SHANK2: variants seen among roughly 807,000 people sequenced by gnomAD.
The protein encoded by SHANK2 is SH3 and multiple ankyrin repeat domains protein 2.
In SHANK2, 43 loss-of-function variants were observed where a neutral mutation model predicts 133.7. The observed-to-expected ratio is 0.32, with a 90% CI of 0.25 to 0.41. The LOEUF (loss-of-function observed/expected upper bound fraction) is 0.41. Ranked by LOEUF, SHANK2 falls within the 10% of genes least tolerant of loss-of-function variation. The pLI, the probability that SHANK2 is intolerant of heterozygous loss-of-function variation, is 1.00. For missense variants in SHANK2, 1,994 were observed against 2,235.8 expected, an observed-to-expected ratio of 0.89 and a Z score of 2.18; for synonymous variants, 1,017 against 952.8, an observed-to-expected ratio of 1.07 and a Z score of -1.24.
At chr11:70,615,794 G>A (rs1367645384) in intron 17 of SHANK2, among the ~76,000 whole-genome samples, 1 of 152,188 alleles carries the variant, frequency 6.6e-6, no homozygotes, top group Non-Finnish European at 1.5e-5. Context: ...GTGGTAGAAG[G>A]AAGCCCACCC....
At chr11:70,695,627 ACAGATCAGGCCGCATAC>A (rs553495351) in intron 15 of SHANK2, among the ~76,000 whole-genome samples, 12 of 152,298 alleles carry the variant, frequency 7.9e-5, no homozygotes, top group Middle Eastern at 3.4e-3. Context: ...TCTACTGCCC[ACAGATCAGGCCGCATAC>A]TCAGGCTCAG....
intron 14 of SHANK2, among the ~76,000 whole-genome samples, chr11:70,760,312 T>C (rs782617569): frequency 6.6e-6 from 1 of 152,242 alleles, no homozygotes; most frequent in South Asian, 2.1e-4. Flanking sequence ...CCTCTGGTTT[T>C]GGCTAGAGGC....
Position 71,094,402 on chromosome 11 carries a change from CTG to C in SHANK2, c.744+133_744+134del, listed in dbSNP as rs1331812622. ...TCACTTCCAAGCTCCAGCCGGAACA[CTG>C]TGCACGGACTCCTAGGGTGGGCCGG... On this transcript the variant is annotated intron_variant, in intron 7 of 25. Coordinates refer to ENST00000601538, the MANE Select transcript of SHANK2 (RefSeq NM_012309.5). 4 of 795,206 alleles carry C rather than the reference CTG, an allele frequency of 5.0e-6. No homozygotes were observed. In the East Asian group the frequency reaches 8.5e-5, roughly 17 times the overall value. 49.3% of individuals were successfully genotyped at this position (795,206 alleles called of 1,614,324 possible).
intron 14 of SHANK2, among the ~76,000 whole-genome samples, chr11:70,735,201 G>A (rs1369818583): frequency 2.0e-5 from 3 of 152,180 alleles, no homozygotes; most frequent in Non-Finnish European, 4.4e-5. Flanking sequence ...GAGAGGCGGC[G>A]GGGACTGAGG....
At chr11:70,544,361 A>T (rs1341142499) in intron 17 of SHANK2, among the ~76,000 whole-genome samples, 2 of 152,224 alleles carry the variant, frequency 1.3e-5, no homozygotes, top group Admixed American at 1.3e-4. Flanking sequence ...CCCCACGCGT[A>T]GGACCTTCCA....
intron 17 of SHANK2, among the ~76,000 whole-genome samples, chr11:70,590,004 A>T (rs2136265176): frequency 6.6e-6 from 1 of 152,288 alleles, no homozygotes; most frequent in Non-Finnish European, 1.5e-5. Flanking sequence ...ATACAAAAAA[A>T]ATTAGCCAGG....
chr11:70,866,849 C>T (rs1032983023), intron 11 of SHANK2, among the ~76,000 whole-genome samples: 7 of 152,024 alleles, frequency 4.6e-5, no homozygotes, highest in South Asian at 2.1e-4. Context: ...ACTCTCTGCC[C>T]GCACATGGAC....
rs1433015910 is a variant in SHANK2, at chr11:71,188,930, G to A, written c.-13+35767C>T. 6.6e-6 allele frequency among the ~76,000 whole-genome samples: 1 copy of A among 152,318 alleles called. No homozygotes were observed. The highest frequency in any genetic ancestry group is 6.5e-5 in the Admixed American group (1 of 15,302). ...CTGGGGTTCTCTCAATACAGCAGGAGCGGGCCCCAGCTCCACGGCCCCCCA... is the reference window on the plus strand; with the variant it reads ...CTGGGGTTCTCTCAATACAGCAGGAACGGGCCCCAGCTCCACGGCCCCCCA... On this transcript the variant is annotated intron_variant, in intron 2 of 25. Coordinates refer to ENST00000601538, the MANE Select transcript of SHANK2 (RefSeq NM_012309.5). This position sits in a 1 kb window ranked among gnomAD's most constrained non-coding sequence, Gnocchi z 4.6.
intron 10 of SHANK2, among the ~76,000 whole-genome samples, chr11:70,940,264 T>C (rs1259313713): frequency 4.8e-5 from 1 of 21,004 alleles, no homozygotes; most frequent in Admixed American, 6.9e-4. Context: ...TTTCTCTCTT[T>C]TGAGACAGAG....
intron 2 of SHANK2, among the ~76,000 whole-genome samples, chr11:71,153,199 T>C (rs1952830511): frequency 6.7e-6 from 1 of 148,468 alleles, no homozygotes; most frequent in Non-Finnish European, 1.5e-5. Context: ...AATCCTGGCT[T>C]CCCCAGGAAA....
At chr11:71,105,837 G>A (rs1951795050) in intron 6 of SHANK2, among the ~76,000 whole-genome samples, 1 of 152,096 alleles carries the variant, frequency 6.6e-6, no homozygotes, top group Non-Finnish European at 1.5e-5. Context: ...CCGGACTTGA[G>A]GATCACTACT....
intron 17 of SHANK2, among the ~76,000 whole-genome samples, chr11:70,510,540 A>C (rs1565085082): frequency 6.6e-6 from 1 of 151,664 alleles, no homozygotes; most frequent in African/African-American, 2.4e-5. Context: ...CAGCGCCACC[A>C]CCCCCAAGTT....
chr11:70,891,426 C>G (rs1006900484), intron 11 of SHANK2, among the ~76,000 whole-genome samples: 1 of 152,030 alleles, frequency 6.6e-6, no homozygotes, highest in Non-Finnish European at 1.5e-5. Flanking sequence ...GGCGTGAACC[C>G]GGGAGGCGGA....
chr11:70,735,201 G>T (rs1369818583), intron 14 of SHANK2, among the ~76,000 whole-genome samples: 1 of 152,298 alleles, frequency 6.6e-6, no homozygotes, highest in East Asian at 1.9e-4. Context: ...GAGAGGCGGC[G>T]GGGACTGAGG....
intron 3 of SHANK2, among the ~76,000 whole-genome samples, chr11:71,133,152 G>A (rs1283204389): frequency 6.6e-6 from 1 of 150,920 alleles, no homozygotes; most frequent in Non-Finnish European, 1.5e-5. Flanking sequence ...TGGAGGGAGG[G>A]AGGGAGGGGT....
intron 11 of SHANK2, among the ~76,000 whole-genome samples, chr11:70,890,066 A>G (rs531656293): frequency 3.9e-4 from 59 of 152,276 alleles, no homozygotes; most frequent in African/African-American, 1.3e-3. Flanking sequence ...CATCCTTCAA[A>G]CATCACTTTT....
intron 3 of SHANK2, among the ~76,000 whole-genome samples, chr11:71,134,371 A>T (rs1952395850): frequency 6.6e-6 from 1 of 151,584 alleles, no homozygotes; most frequent in African/African-American, 2.4e-5. Flanking sequence ...TCATCCGTGA[A>T]TTTCCTAAAA....
intron 8 of SHANK2, among the ~76,000 whole-genome samples, chr11:71,083,754 G>A (rs1669182814): frequency 6.6e-6 from 1 of 152,234 alleles, no homozygotes; most frequent in African/African-American, 2.4e-5. Flanking sequence ...CCAGCGTGCT[G>A]TGAAGTTGCA....
rs534716834 is a variant in SHANK2 at position 70,807,886 on chromosome 11, C to A, written c.1494-715G>T. 6.6e-6 allele frequency among the ~76,000 whole-genome samples: 1 copy of A among 152,070 alleles called. No individual in the cohort carries two copies. The highest frequency in any genetic ancestry group is 2.4e-5 in the African/African-American group (1 of 41,470). Reference sequence around the variant, plus strand: ...ACACCATGGGTGAACCTTGGGGACACTGCTCAGTGAGATACACCAGACACA... The same window carrying A: ...ACACCATGGGTGAACCTTGGGGACAATGCTCAGTGAGATACACCAGACACA... On this transcript the variant is annotated intron_variant, in intron 12 of 25. Coordinates refer to ENST00000601538, the MANE Select transcript of SHANK2 (RefSeq NM_012309.5). This position sits in a 1 kb window ranked among gnomAD's most constrained non-coding sequence, Gnocchi z 4.8.
Sources: gnomAD v4.1 joint callset for allele counts (sites outside exome capture counted in the v4.1 genomes callset) on GRCh38, gnomAD v4.1.1 for gene constraint, Gnocchi (gnomAD v3.1) non-coding constraint, MANE v1.5 for transcripts, NCBI Gene and HGNC (gene_info 2026-07-23, HGNC 2026-07-21) for gene names.